The following PRDM2 variants were observed in gnomAD, a reference collection of about 807,000 sequenced individuals.
The protein encoded by PRDM2 is PR/SET domain 2.
In PRDM2, 30 loss-of-function variants were observed where a neutral mutation model predicts 130.0. That is an observed-to-expected ratio of 0.23 (90% CI 0.17 to 0.31). The LOEUF (loss-of-function observed/expected upper bound fraction) is 0.31. PRDM2 is among the 10% of genes least tolerant of loss of function. The pLI is 1.00. For synonymous variants in PRDM2, 871 were observed against 782.4 expected (o/e 1.11, Z -1.89); for missense variants, 2,011 against 2,108.4 (o/e 0.95, Z 0.90).
At chr1:13,816,672 T>C in intron 9 of PRDM2, 102 bp downstream of exon 9, 2 of 1,430,314 alleles carry the variant, frequency 1.4e-6, no homozygotes, top group South Asian at 1.3e-5. Flanking sequence ...GCAGTGGGTG[T>C]GATTGCTTGT....
intron 9 of PRDM2, among the ~76,000 whole-genome samples, chr1:13,819,101 A>G (rs1370558105): frequency 1.3e-5 from 2 of 152,112 alleles, no homozygotes; most frequent in African/African-American, 4.8e-5. Context: ...CTGCTACGTG[A>G]ACCTTCTGTG....
intron 5 of PRDM2, among the ~76,000 whole-genome samples, chr1:13,743,034 G>T (rs560699771): frequency 1.3e-5 from 2 of 152,162 alleles, no homozygotes; most frequent in Non-Finnish European, 2.9e-5. Flanking sequence ...GTGAGGAAGC[G>T]TGGAGTGTTG....
chr1:13,718,488 C>T (rs909779533), intron 2 of PRDM2, among the ~76,000 whole-genome samples: 3 of 152,194 alleles, frequency 2.0e-5, no homozygotes, highest in African/African-American at 7.2e-5. Flanking sequence ...TGGACTGTTG[C>T]GCTCAGTTGT....
At chr1:13,787,078 A>C in intron 8 of PRDM2, 1 of 985,472 alleles carries the variant, frequency 1.0e-6, no homozygotes, top group Non-Finnish European at 1.2e-6. Context: ...CGTTTTTTTA[A>C]ATCACAAGTA....
intron 8 of PRDM2, among the ~76,000 whole-genome samples, chr1:13,784,871 G>A (rs1316280168): frequency 6.6e-6 from 1 of 152,206 alleles, no homozygotes; most frequent in Non-Finnish European, 1.5e-5. Flanking sequence ...CACATCTGTA[G>A]GTCAGGAATG....
At chr1:13,722,507 AT>A (rs1189544327) in intron 2 of PRDM2, among the ~76,000 whole-genome samples, 27 of 149,694 alleles carry the variant, frequency 1.8e-4, no homozygotes, top group Admixed American at 4.0e-4. Flanking sequence ...TTCCAATAGA[AT>A]TTTTTTTTTT....
At chr1:13,777,051 A>C (rs1218336650) in intron 7 of PRDM2, among the ~76,000 whole-genome samples, 2 of 152,330 alleles carry the variant, frequency 1.3e-5, no homozygotes, top group East Asian at 3.9e-4. Flanking sequence ...CGTCTGAAGT[A>C]AGCTCTTGAT....
chr1:13,701,171 C>T (rs762097805), intron 1 of PRDM2, among the ~76,000 whole-genome samples: 2 of 152,094 alleles, frequency 1.3e-5, no homozygotes, highest in Non-Finnish European at 2.9e-5. Flanking sequence ...TTCGTGCTGG[C>T]CCCTCACTTT....
intron 6 of PRDM2, among the ~76,000 whole-genome samples, chr1:13,751,826 A>C (rs1643852522): frequency 6.6e-6 from 1 of 152,172 alleles, no homozygotes; most frequent in African/African-American, 2.4e-5. Flanking sequence ...ACAGCTGTGC[A>C]TTGCATGTGG....
intron 6 of PRDM2, among the ~76,000 whole-genome samples, chr1:13,751,289 C>A (rs1201749985): frequency 2.6e-5 from 4 of 152,144 alleles, no homozygotes; most frequent in Non-Finnish European, 5.9e-5. Context: ...TTGTACTACT[C>A]TGGGCAGCCT....
At position 13,780,944 on chromosome 1, in the gene PRDM2, C is replaced by A; in HGVS notation, c.3149C>A (p.Thr1050Lys). 1 of 1,610,850 alleles carries A rather than the reference C, an allele frequency of 6.2e-7. No homozygotes were observed. Among genetic ancestry groups the A allele is most frequent in the South Asian group, 1.1e-5 (1 of 91,000 alleles). Residue 1050 changes from threonine to lysine, a missense_variant, in exon 8 of 10, where the codon ACA becomes AAA. By Grantham distance (78) the Thr-to-Lys change is moderately conservative. Around this residue, in one of 5 missense-constraint regions of PRDM2, gnomAD observed 1,288 missense variants for 1,237.7 expected, o/e 1.04. Coordinates refer to ENST00000311066, the MANE Select transcript of PRDM2 (RefSeq NM_001393986.1). ...TCTGCCGCCTCACCCGGGCCTCCAA[C>A]ACTTTCTTCTTCCTCCTCTTCATCT... Reference protein sequence around the residue: ...LMSAASPGPPTLSSSSSSSSS... With the variant: ...LMSAASPGPPKLSSSSSSSSS...
chr1:13,752,169 C>G (rs913093206), intron 6 of PRDM2, among the ~76,000 whole-genome samples: 1 of 152,172 alleles, frequency 6.6e-6, no homozygotes, highest in African/African-American at 2.4e-5. Flanking sequence ...AATAAATATT[C>G]ATTGATTGGC....
Position 13,779,076 on chromosome 1 carries a change from A to G in PRDM2, c.1281A>G (p.Ser427=). The G allele has an allele frequency of 1.9e-6, 3 of 1,614,238 alleles. No individual in the cohort carries two copies. Among genetic ancestry groups the G allele is most frequent in the East Asian group, 2.2e-5 (1 of 44,886 alleles). ...AACCCAGCCAAACACTACAGCCGTC[A>G]GAGGATCTGGCTGATGGCAAAGCAT... ...KRKPSQTLQP[S]EDLADGKASG... Residue 427 remains serine (S), a synonymous_variant, in exon 8 of 10, where the codon TCA becomes TCG. Transcript: ENST00000311066. This position sits in a 1 kb window ranked among gnomAD's most constrained non-coding sequence, Gnocchi z 4.9.
intron 8 of PRDM2, among the ~76,000 whole-genome samples, chr1:13,799,149 T>C (rs1644968183): frequency 6.6e-6 from 1 of 152,070 alleles, no homozygotes; most frequent in African/African-American, 2.4e-5. Flanking sequence ...GAACAGAGAA[T>C]TAAGAATTGT....
intron 2 of PRDM2, among the ~76,000 whole-genome samples, chr1:13,727,919 T>C (rs1642975820): frequency 6.6e-6 from 1 of 152,206 alleles, no homozygotes; most frequent in African/African-American, 2.4e-5. Context: ...GATCCCAGTT[T>C]ATGAGTATGT....
chr1:13,775,118 T>A (rs958386094), intron 7 of PRDM2, among the ~76,000 whole-genome samples: 1 of 152,256 alleles, frequency 6.6e-6, no homozygotes, highest in Non-Finnish European at 1.5e-5. Context: ...AGACTCTTCT[T>A]TGTGCTCCCA....
At chr1:13,793,886 G>A (rs1644881904) in intron 8 of PRDM2, among the ~76,000 whole-genome samples, 3 of 152,228 alleles carry the variant, frequency 2.0e-5, no homozygotes, top group Non-Finnish European at 4.4e-5. Flanking sequence ...GTGTTGGGCT[G>A]CATGCAGCTT....
chr1:13,798,573 A>C (rs1327942810), intron 8 of PRDM2, among the ~76,000 whole-genome samples: 1 of 152,200 alleles, frequency 6.6e-6, no homozygotes, highest in Non-Finnish European at 1.5e-5. Context: ...ACACTGGTAC[A>C]CACACCAAAG....
intron 2 of PRDM2, among the ~76,000 whole-genome samples, chr1:13,720,631 A>T (rs538297682): frequency 2.6e-5 from 4 of 152,192 alleles, no homozygotes; most frequent in Non-Finnish European, 4.4e-5. Flanking sequence ...ATAATAATAA[A>T]AAATAGTAAC....
Sources: gnomAD v4.1 joint callset for allele counts (sites outside exome capture counted in the v4.1 genomes callset) on GRCh38, gnomAD v4.1.1 for gene constraint, gnomAD v4.1.1 regional missense constraint, Gnocchi (gnomAD v3.1) non-coding constraint, MANE v1.5 for transcripts, NCBI Gene and HGNC (gene_info 2026-07-23, HGNC 2026-07-21) for gene names.